The following IFT74 variants were observed in gnomAD, a reference collection of about 807,000 sequenced individuals.
The protein encoded by IFT74 is intraflagellar transport protein 74 homolog.
In IFT74, 92 loss-of-function variants were observed where a neutral mutation model predicts 96.7. That is an observed-to-expected ratio of 0.95 (90% CI 0.80 to 1.13). The LOEUF is 1.13. IFT74 is among the 50% of genes most tolerant of loss of function. The pLI, the probability that IFT74 is intolerant of heterozygous loss-of-function variation, is 0.00. For synonymous variants in IFT74, 223 were observed against 213.2 expected (o/e 1.05, Z -0.40); for missense variants, 811 against 698.2 (o/e 1.16, Z -1.82).
intron 12 of IFT74, among the ~76,000 whole-genome samples, chr9:27,019,997 A>G (rs538645131): frequency 2.9e-4 from 44 of 149,598 alleles, no homozygotes; most frequent in African/African-American, 6.7e-4. Flanking sequence ...TTTTTCTGAT[A>G]CAGAGTCCCA....
chr9:27,027,641 A>AT lies in IFT74; in HGVS notation c.975-1378dup, dbSNP rs984039853. Among the ~76,000 whole-genome samples, 5 of 152,098 alleles carry AT rather than the reference A, an allele frequency of 3.3e-5. 1 individual carries two copies. The highest frequency in any genetic ancestry group is 1.2e-4 in the African/African-American group (5 of 41,426). On this transcript the variant is annotated intron_variant, in intron 12 of 19. Coordinates refer to ENST00000380062, the MANE Select transcript of IFT74 (RefSeq NM_025103.4). ...AAATGTTTACTTAGTTCATTTGCTC[A>AT]TTTTTTAAACTAGATTGTTTTTGAT...
intron 8 of IFT74, among the ~76,000 whole-genome samples, chr9:27,004,863 G>A (rs1828689496): frequency 6.6e-6 from 1 of 151,884 alleles, no homozygotes; most frequent in Non-Finnish European, 1.5e-5. Flanking sequence ...GAAAAAAAAA[G>A]AGCTTTACTC....
intron 12 of IFT74, 43 bp from the exon 13 acceptor site, chr9:27,028,982 G>A: frequency 6.7e-7 from 1 of 1,494,004 alleles, no homozygotes; most frequent in African/African-American, 1.4e-5. Flanking sequence ...TTTATTGAAT[G>A]TCTATATTTC....
chr9:27,035,727 C>G (rs1459204474), intron 13 of IFT74, among the ~76,000 whole-genome samples: 1 of 152,120 alleles, frequency 6.6e-6, no homozygotes, highest in African/African-American at 2.4e-5. Context: ...CTACATAGTC[C>G]TTTTGTTTTA....
Position 26,980,618 on chromosome 9 carries a change from A to C in IFT74, c.304A>C (p.Arg102=), listed in dbSNP as rs761465255. Residue 102 remains arginine (R), a splice_region_variant and synonymous_variant, in exon 4 of 20, where the codon AGA becomes CGA. Coordinates refer to ENST00000380062, the MANE Select transcript of IFT74 (RefSeq NM_025103.4). ...CAAATCTTACTATCTTGGGCTTCTT[A>C]GGTATGTTAAACATATCTTTTCATC... The part of the protein sequence containing the change: ...LDKSYYLGLL[R]SKISELTTEV... The C allele has an allele frequency of 9.5e-6, 15 of 1,585,762 alleles. No homozygotes were observed. In the Admixed American group the frequency reaches 2.5e-4, roughly 27 times the overall value.
chr9:26,996,586 A>G, intron 8 of IFT74: 1 of 962,422 alleles, frequency 1.0e-6, no homozygotes, highest in East Asian at 3.1e-5. Flanking sequence ...AATTTTTGAC[A>G]TATTTGTCAT....
At chr9:27,033,826 T>C (rs1830235311) in intron 13 of IFT74, among the ~76,000 whole-genome samples, 1 of 152,208 alleles carries the variant, frequency 6.6e-6, no homozygotes, top group Admixed American at 6.5e-5. Flanking sequence ...ACAACTGGTT[T>C]GCAAATTTCT....
At chr9:27,028,858 A>G (rs1241828428) in intron 12 of IFT74, 167 bp from the exon 13 acceptor site, 4 of 538,504 alleles carry the variant, frequency 7.4e-6, no homozygotes, top group African/African-American at 2.0e-5. Flanking sequence ...GCAATTTGTA[A>G]AAGATATCCT....
chr9:26,959,885 A>G (rs893610383), intron 1 of IFT74, among the ~76,000 whole-genome samples: 1 of 152,222 alleles, frequency 6.6e-6, no homozygotes, highest in African/African-American at 2.4e-5. Context: ...GCAGTACCCC[A>G]GTCTGTACAG....
At chr9:27,050,607 A>T (rs1819877676) in intron 16 of IFT74, among the ~76,000 whole-genome samples, 1 of 152,030 alleles carries the variant, frequency 6.6e-6, no homozygotes, top group Admixed American at 6.6e-5. Context: ...ACAGTTAGTG[A>T]GATAGTGAGA....
Position 26,966,296 on chromosome 9 carries a change from G to A in IFT74, c.120+4209G>A, listed in dbSNP as rs188151797. On this transcript the variant is annotated intron_variant, in intron 2 of 19. Transcript: ENST00000380062. ...ACTAACTTACATTCCCCCCAACACTGTACAAAGGTTCCCTTTTCTTTATAT... is the reference window on the plus strand; with the variant it reads ...ACTAACTTACATTCCCCCCAACACTATACAAAGGTTCCCTTTTCTTTATAT... Among the ~76,000 whole-genome samples, 4 of 152,054 alleles carry A rather than the reference G, an allele frequency of 2.6e-5. No individual in the cohort carries two copies. The East Asian group carries it at 5.8e-4, about 22-fold the overall frequency.
rs531479399 is a variant in IFT74 at position 26,984,026 on chromosome 9, C to T, written c.306-231C>T. On this transcript the variant is annotated intron_variant, in intron 4 of 19. Transcript: ENST00000380062. ...CTTGAGCTCCTGACCTCACGTGATGCGCCTGCCTCGGCCTCCCAAAGTGTT... is the reference window on the plus strand; with the variant it reads ...CTTGAGCTCCTGACCTCACGTGATGTGCCTGCCTCGGCCTCCCAAAGTGTT... The T allele has an allele frequency of 6.5e-4, 189 of 290,910 alleles. 1 individual carries two copies. Among genetic ancestry groups the T allele is most frequent in the African/African-American group, 3.3e-3 (147 of 43,954 alleles). The allele number at this position is 290,910 out of a possible 1,614,324, so 18.0% of individuals were successfully genotyped here.
At chr9:26,984,925 T>TACC (rs1234111948) in intron 6 of IFT74, among the ~76,000 whole-genome samples, 1 of 152,254 alleles carries the variant, frequency 6.6e-6, no homozygotes, top group South Asian at 2.1e-4. Flanking sequence ...AAAACAGAAC[T>TACC]ACCATTCAGC....
chr9:26,997,728 C>T, intron 8 of IFT74: 4 of 1,588,184 alleles, frequency 2.5e-6, no homozygotes, highest in Non-Finnish European at 3.4e-6. Context: ...GATAGCTTAC[C>T]TAATGTCACA....
intron 13 of IFT74, chr9:27,036,662 G>T (rs1587395717): frequency 2.2e-6 from 3 of 1,372,736 alleles, no homozygotes; most frequent in East Asian, 2.7e-5. Context: ...TTGGCTACTT[G>T]TGTTCACTCT....
Position 27,018,366 on chromosome 9 carries a change from A to G in IFT74, c.934-281A>G, listed in dbSNP as rs540681156. Among the ~76,000 whole-genome samples the G allele has an allele frequency of 7.2e-5, 11 of 152,324 alleles. No homozygotes were observed. In the South Asian group the frequency reaches 2.3e-3, roughly 32 times the overall value. ...TCAGAAATCCTAGATGTTTATATCA[A>G]CTTATCCAGGCCTGAAGATGAGCTA... On this transcript the variant is annotated intron_variant, in intron 11 of 19. Coordinates refer to ENST00000380062, the MANE Select transcript of IFT74 (RefSeq NM_025103.4).
chr9:26,987,997 G>A (rs1388051348), intron 6 of IFT74, among the ~76,000 whole-genome samples: 2 of 152,008 alleles, frequency 1.3e-5, no homozygotes, highest in African/African-American at 4.8e-5. Context: ...TTGTTGCCCA[G>A]GCTGGAGTGC....
At chr9:27,014,139 C>A (rs1007716418) in intron 10 of IFT74, among the ~76,000 whole-genome samples, 10 of 152,070 alleles carry the variant, frequency 6.6e-5, no homozygotes, top group Admixed American at 6.5e-4. Context: ...GGCATGAACC[C>A]AGGAGGCAGA....
chr9:26,965,836 G>A (rs1249165959), intron 2 of IFT74, among the ~76,000 whole-genome samples: 6 of 151,894 alleles, frequency 4.0e-5, no homozygotes, highest in East Asian at 1.9e-4. Flanking sequence ...CTGTATGTCC[G>A]TATGTACCCA....
Sources: gnomAD v4.1 joint callset for allele counts (sites outside exome capture counted in the v4.1 genomes callset) on GRCh38, gnomAD v4.1.1 for gene constraint, MANE v1.5 for transcripts, NCBI Gene and HGNC (gene_info 2026-07-23, HGNC 2026-07-21) for gene names.